The following OR4N2 variants were observed in gnomAD, a reference collection of about 807,000 sequenced individuals.
The protein encoded by OR4N2 is olfactory receptor family 4 subfamily N member 2.
For missense variants in OR4N2, 307 were observed against 377.6 expected (o/e 0.81, Z 1.55); for synonymous variants, 141 against 140.4 (o/e 1.00, Z -0.03).
intron 1 of OR4N2, among the ~76,000 whole-genome samples, chr14:19,806,859 AT>A (rs1362082677): frequency 2.0e-5 from 3 of 152,166 alleles, no homozygotes; most frequent in Non-Finnish European, 2.9e-5. Flanking sequence ...TCCCAGGCAC[AT>A]TCTTGAACCA....
At position 19,811,115 on chromosome 14, in the gene OR4N2, G is replaced by A. The variant is rs143056045; in HGVS notation, c.-10+7271G>A. On this transcript the variant is annotated intron_variant, in intron 1 of 1. Transcript: ENST00000557677. ...AACTCATTCATAAAATAGAAGAAAGGATACCATTTCCCAACTTTCTTTATG... is the reference window on the plus strand; with the variant it reads ...AACTCATTCATAAAATAGAAGAAAGAATACCATTTCCCAACTTTCTTTATG... Among the ~76,000 whole-genome samples the A allele has an allele frequency of 1.3e-4, 20 of 152,292 alleles. 1 individual carries two copies. The East Asian group carries it at 2.9e-3, about 22-fold the overall frequency.
intron 1 of OR4N2, among the ~76,000 whole-genome samples, chr14:19,824,934 C>T (rs183282938): frequency 3.9e-5 from 6 of 152,360 alleles, no homozygotes; most frequent in African/African-American, 1.4e-4. Flanking sequence ...TTTTATTGCA[C>T]AGGGGGTCTG....
At position 19,821,885 on chromosome 14, in the gene OR4N2, G is replaced by A. The variant is rs1251035250; in HGVS notation, c.-9-5555G>A. 4 of 152,224 alleles carry A rather than the reference G, an allele frequency of 2.6e-5. No individual in the cohort carries two copies. In the East Asian group the frequency reaches 7.7e-4, roughly 29 times the overall value. The allele number at this position is 152,224 out of a possible 1,614,324, so 9.4% of individuals were successfully genotyped here. A position where few individuals can be genotyped will look rare whatever the true frequency, so the allele number is the denominator to read the frequency against. The stretch of plus-strand genomic sequence containing the variant: ...TTTTAAAATCTAAGGTTCCTCATGT[G>A]GCAATGAACATTTATGAACAATGGC... On this transcript the variant is annotated intron_variant, in intron 1 of 1. Transcript: ENST00000557677.
chr14:19,812,495 A>G (rs1879325521), intron 1 of OR4N2, among the ~76,000 whole-genome samples: 1 of 151,144 alleles, frequency 6.6e-6, no homozygotes, highest in Non-Finnish European at 1.5e-5. Flanking sequence ...AAGCCGAGAT[A>G]ATTTTTTTGT....
intron 1 of OR4N2, among the ~76,000 whole-genome samples, chr14:19,826,261 G>A (rs1338140977): frequency 6.6e-6 from 1 of 152,214 alleles, no homozygotes; most frequent in Non-Finnish European, 1.5e-5. Context: ...AATGCACATT[G>A]TTTTTCTTTT....
intron 1 of OR4N2, among the ~76,000 whole-genome samples, chr14:19,817,865 C>T (rs1879466654): frequency 2.0e-5 from 3 of 152,262 alleles, no homozygotes; most frequent in Admixed American, 2.0e-4. Context: ...TTAGCTGTGT[C>T]CCAGAGATTC....
intron 1 of OR4N2, among the ~76,000 whole-genome samples, chr14:19,819,111 C>T (rs1471025579): frequency 6.6e-6 from 1 of 152,132 alleles, no homozygotes; most frequent in Non-Finnish European, 1.5e-5. Context: ...TCTGGCTGAC[C>T]TTAACATTTT....
Position 19,827,866 on chromosome 14 carries a change from A to C in OR4N2, c.418A>C (p.Thr140Pro). ...CTATCCTACTGTCATGAACCCTAGAACCTGCTATGCAATGATGTTGGCTCT... is the reference window on the plus strand; with the variant it reads ...CTATCCTACTGTCATGAACCCTAGACCCTGCTATGCAATGATGTTGGCTCT... ...LHYPTVMNPR[T>P]CYAMMLALWL... Residue 140 changes from threonine (T) to proline (P), a missense_variant, in exon 2 of 2, where the codon ACC becomes CCC. Physicochemically the swap from Thr to Pro is conservative, Grantham distance 38 (BLOSUM62 -1). Coordinates refer to ENST00000557677, the MANE Select transcript of OR4N2 (RefSeq NM_001004723.3). The C allele has an allele frequency of 6.2e-7, 1 of 1,614,128 alleles. No individual in the cohort carries two copies. The highest frequency in any genetic ancestry group is 8.5e-7 in the Non-Finnish European group (1 of 1,180,012).
intron 1 of OR4N2, among the ~76,000 whole-genome samples, chr14:19,825,987 AT>A (rs574859524): frequency 3.9e-5 from 6 of 152,368 alleles, no homozygotes; most frequent in African/African-American, 7.2e-5. Context: ...CCCCTAAGAC[AT>A]TTTTTGAATA....
intron 1 of OR4N2, among the ~76,000 whole-genome samples, chr14:19,813,971 T>C (rs1290506799): frequency 1.3e-5 from 2 of 152,124 alleles, no homozygotes; most frequent in South Asian, 2.1e-4. Context: ...TCTTTTCTTC[T>C]TTCTTTCCTT....
chr14:19,825,703 C>A (rs1367892002), intron 1 of OR4N2, among the ~76,000 whole-genome samples: 4 of 152,082 alleles, frequency 2.6e-5, no homozygotes, highest in Non-Finnish European at 4.4e-5. Flanking sequence ...CTACAGGCAA[C>A]CACCACCACG....
intron 1 of OR4N2, among the ~76,000 whole-genome samples, chr14:19,810,662 C>A (rs1048052310): frequency 6.6e-6 from 1 of 152,150 alleles, no homozygotes; most frequent in Non-Finnish European, 1.5e-5. Flanking sequence ...AGATCATGTC[C>A]TTTGCAAGAA....
chr14:19,812,303 T>C (rs1479073106), intron 1 of OR4N2, among the ~76,000 whole-genome samples: 7 of 97,326 alleles, frequency 7.2e-5, no homozygotes, highest in African/African-American at 2.3e-4. Flanking sequence ...TTGACTTTTC[T>C]TTTTTTTTTT....
At chr14:19,804,688 A>G (rs1341169338) in intron 1 of OR4N2, among the ~76,000 whole-genome samples, 1 of 152,226 alleles carries the variant, frequency 6.6e-6, no homozygotes, top group African/African-American at 2.4e-5. Flanking sequence ...TCTTGGGTGG[A>G]GAGTACTGTA....
At chr14:19,819,350 A>G (rs11851780) in intron 1 of OR4N2, among the ~76,000 whole-genome samples, 234 of 152,260 alleles carry the variant, frequency 1.5e-3, no homozygotes, top group African/African-American at 5.4e-3. Flanking sequence ...GTCTTTTCAC[A>G]TAGTCCCATA....
At chr14:19,814,152 T>C (rs1368765665) in intron 1 of OR4N2, among the ~76,000 whole-genome samples, 1 of 152,116 alleles carries the variant, frequency 6.6e-6, no homozygotes, top group Non-Finnish European at 1.5e-5. Flanking sequence ...AATTTTAAAA[T>C]AGAATTAATA....
chr14:19,818,420 C>T (rs1158705235), intron 1 of OR4N2, among the ~76,000 whole-genome samples: 1 of 152,192 alleles, frequency 6.6e-6, no homozygotes, highest in Non-Finnish European at 1.5e-5. Context: ...GCATTGATCC[C>T]TTTACCATTA....
Position 19,828,570 on chromosome 14 carries a change from A to T in OR4N2, c.*198A>T. The T allele has an allele frequency of 1.8e-6, 1 of 558,772 alleles. No homozygotes were observed. Among genetic ancestry groups the T allele is most frequent in the Non-Finnish European group, 3.1e-6 (1 of 322,446 alleles). 34.6% of individuals were successfully genotyped at this position (558,772 alleles called of 1,614,324 possible). A position where few individuals can be genotyped will look rare whatever the true frequency, so the allele number is the denominator to read the frequency against. ...TACAACCTAGTAAAAATAGACCACC[A>T]TTAAGGTAGAAAATAAACAGCATAG... On this transcript the variant is annotated 3_prime_UTR_variant, in exon 2 of 2. Transcript: ENST00000557677.
chr14:19,815,629 TC>T (rs1424762089), intron 1 of OR4N2, among the ~76,000 whole-genome samples: 1 of 151,918 alleles, frequency 6.6e-6, no homozygotes, highest in Non-Finnish European at 1.5e-5. Context: ...AGGTTGACTG[TC>T]CACTCTGATG....
Sources: gnomAD v4.1 joint callset for allele counts (sites outside exome capture counted in the v4.1 genomes callset) on GRCh38, gnomAD v4.1.1 for gene constraint, MANE v1.5 for transcripts, NCBI Gene and HGNC (gene_info 2026-07-23, HGNC 2026-07-21) for gene names.